The following MRAS variants were observed in gnomAD, a reference collection of about 807,000 sequenced individuals.
The protein encoded by MRAS is muscle RAS oncogene homolog.
In MRAS, 4 loss-of-function variants were observed where a neutral mutation model predicts 20.9. That is an observed-to-expected ratio of 0.19 (90% CI 0.09 to 0.44). The LOEUF (loss-of-function observed/expected upper bound fraction) is 0.44, where lower values mean the gene tolerates loss of function less well. Among genes scored for constraint, MRAS ranks in the 20% least tolerant of loss-of-function variants. The pLI, the probability that MRAS is intolerant of heterozygous loss-of-function variation, is 0.99. For synonymous variants in MRAS, 98 were observed against 102.9 expected, an observed-to-expected ratio of 0.95 and a Z score of 0.29; for missense variants, 154 against 277.5, an observed-to-expected ratio of 0.56 and a Z score of 3.16.
intron 2 of MRAS, among the ~76,000 whole-genome samples, chr3:138,374,431 T>C (rs1227235799): frequency 6.6e-6 from 1 of 152,264 alleles, no homozygotes; most frequent in Non-Finnish European, 1.5e-5. Context: ...ATTAATCTTG[T>C]AACCTACAAC....
chr3:138,384,577 G>A (rs530374282), intron 2 of MRAS, among the ~76,000 whole-genome samples: 10 of 152,256 alleles, frequency 6.6e-5, no homozygotes, highest in Admixed American at 5.9e-4. Context: ...TCTAATTTTG[G>A]ACGTGTTAAA....
chr3:138,386,511 T>C (rs2055018586), intron 2 of MRAS, among the ~76,000 whole-genome samples: 1 of 152,176 alleles, frequency 6.6e-6, no homozygotes, highest in Non-Finnish European at 1.5e-5. Flanking sequence ...GAGATGGAGT[T>C]TCACTCTTGT....
At chr3:138,389,916 G>T (rs1434901550) in intron 2 of MRAS, among the ~76,000 whole-genome samples, 1 of 137,166 alleles carries the variant, frequency 7.3e-6, no homozygotes, top group Non-Finnish European at 1.6e-5. Flanking sequence ...AGCTCATGCT[G>T]TGACTTTTCT....
chr3:138,350,000 G>A (rs778799982), intron 1 of MRAS: 2 of 152,224 alleles, frequency 1.3e-5, no homozygotes, highest in Non-Finnish European at 2.9e-5. Context: ...TTTTGGCCAC[G>A]TGGCTGTCCT....
intron 2 of MRAS, among the ~76,000 whole-genome samples, chr3:138,393,719 C>T (rs910323585): frequency 7.9e-5 from 12 of 151,726 alleles, no homozygotes; most frequent in South Asian, 2.1e-4. Flanking sequence ...GACAGAGCTT[C>T]GCTCTTGTTG....
chr3:138,390,757 A>G (rs1019698934), intron 2 of MRAS, among the ~76,000 whole-genome samples: 3 of 152,206 alleles, frequency 2.0e-5, no homozygotes, highest in African/African-American at 7.2e-5. Flanking sequence ...CCTCCCTGCT[A>G]GCCCTCCCAG....
intron 1 of MRAS, among the ~76,000 whole-genome samples, chr3:138,363,122 C>T (rs889932937): frequency 2.0e-5 from 3 of 151,846 alleles, no homozygotes; most frequent in African/African-American, 4.8e-5. Flanking sequence ...CAGCAACCTC[C>T]GCCTCCCCAG....
At chr3:138,370,596 G>A (rs191851057) in intron 1 of MRAS, among the ~76,000 whole-genome samples, 23 of 152,266 alleles carry the variant, frequency 1.5e-4, no homozygotes, top group Admixed American at 3.3e-4. Context: ...GTTGTAGGGA[G>A]ATGCTGGAAC....
chr3:138,380,499 G>A (rs2054878052), intron 2 of MRAS, among the ~76,000 whole-genome samples: 1 of 40,058 alleles, frequency 2.5e-5, no homozygotes. Context: ...TTTTAGTAGG[G>A]ATGGGGTTTC....
intron 2 of MRAS, among the ~76,000 whole-genome samples, chr3:138,394,400 G>C (rs1030467397): frequency 1.1e-4 from 16 of 152,302 alleles, no homozygotes; most frequent in Non-Finnish European, 1.8e-4. Context: ...CCTCTGAAGT[G>C]CCAAATGGCT....
Position 138,399,034 on chromosome 3 carries a change from G to A in MRAS, c.447+466G>A, listed in dbSNP as rs546695421. The stretch of plus-strand genomic sequence containing the variant: ...GGGGCCCCATAGGACTCTACTGGCC[G>A]CTTATCAGGGGCATCTGCCATGGCC... On this transcript the variant is annotated intron_variant, in intron 4 of 5. Coordinates refer to ENST00000423968, the MANE Select transcript of MRAS (RefSeq NM_001085049.3). Among the ~76,000 whole-genome samples the A allele has an allele frequency of 3.3e-5, 5 of 152,324 alleles. 1 individual carries two copies. The highest frequency in any genetic ancestry group is 4.1e-4 in the South Asian group (2 of 4,824).
At chr3:138,363,219 T>C (rs756960779) in intron 1 of MRAS, among the ~76,000 whole-genome samples, 53 of 152,092 alleles carry the variant, frequency 3.5e-4, no homozygotes, top group Non-Finnish European at 4.9e-4. Flanking sequence ...CCTGCCACCA[T>C]GCCTGGCTAA....
At chr3:138,396,170 G>A (rs745548579) in intron 2 of MRAS, among the ~76,000 whole-genome samples, 2 of 152,222 alleles carry the variant, frequency 1.3e-5, no homozygotes, top group Non-Finnish European at 2.9e-5. Flanking sequence ...GAAGACCCCA[G>A]TGAGGATGGC....
In MRAS at chr3:138,372,721, A is replaced by G. The variant is rs531139608; in HGVS notation, c.-18-145A>G. ...GTCTCTGGCTAGTGAGACCAGGGGT[A>G]ATGCTTTTATTTTCTTTTGCATTTC... is the stretch of plus-strand genomic sequence containing the variant. On this transcript the variant is annotated intron_variant, in intron 1 of 5. Coordinates refer to ENST00000423968, the MANE Select transcript of MRAS (RefSeq NM_001085049.3). The G allele has an allele frequency of 1.7e-5, 10 of 580,432 alleles. No individual in the cohort carries two copies. In the East Asian group the frequency reaches 3.1e-4, roughly 18 times the overall value. The allele number at this position is 580,432 out of a possible 1,614,324, so 36.0% of individuals were successfully genotyped here.
At position 138,363,046 on chromosome 3, in the gene MRAS, T is replaced by G. The variant is rs529610562; in HGVS notation, c.-18-9820T>G. 1.4e-4 allele frequency among the ~76,000 whole-genome samples: 17 copies of G among 123,492 alleles called. No individual in the cohort carries two copies. In the South Asian group the frequency reaches 1.7e-3, roughly 12 times the overall value. The allele number at this position is 123,492 out of a possible 152,430, so 81.0% of individuals were successfully genotyped here. On this transcript the variant is annotated intron_variant, in intron 1 of 5. Transcript: ENST00000423968. ...TCCTTACTGTTTTTTGTTTTTTGTG[T>G]TTTTTTTTGAGACGGAGTCTTGCTC...
At chr3:138,364,808 C>T (rs1005204973) in intron 1 of MRAS, among the ~76,000 whole-genome samples, 23 of 152,230 alleles carry the variant, frequency 1.5e-4, no homozygotes, top group African/African-American at 5.3e-4. Flanking sequence ...TTTTTGGTAA[C>T]TAGCATTTGC....
chr3:138,366,891 C>G (rs1401897141), intron 1 of MRAS, among the ~76,000 whole-genome samples: 2 of 152,170 alleles, frequency 1.3e-5, no homozygotes, highest in African/African-American at 4.8e-5. Context: ...CCTATGGACC[C>G]CTTGGCAACA....
intron 2 of MRAS, among the ~76,000 whole-genome samples, chr3:138,393,544 A>C (rs1429098835): frequency 6.6e-6 from 1 of 152,064 alleles, no homozygotes; most frequent in Non-Finnish European, 1.5e-5. Flanking sequence ...CATAGGGTCC[A>C]TTTTGATTTT....
chr3:138,386,889 C>G (rs531241972), intron 2 of MRAS, among the ~76,000 whole-genome samples: 191 of 152,298 alleles, frequency 1.3e-3, no homozygotes, highest in African/African-American at 3.8e-3. Context: ...TGCAAATTTT[C>G]ATGTGAAAAC....
Sources: allele counts gnomAD v4.1 joint callset (sites outside exome capture counted in the v4.1 genomes callset), GRCh38; gene constraint gnomAD v4.1.1; transcripts MANE v1.5; gene names NCBI Gene and HGNC (gene_info 2026-07-23, HGNC 2026-07-21).